POU2F2: variants seen among roughly 807,000 people sequenced by gnomAD.
POU2F2 encodes the protein POU domain, class 2, transcription factor 2.
In POU2F2, 14 loss-of-function variants were observed where a neutral mutation model predicts 63.5. The observed-to-expected ratio is 0.22, with a 90% CI of 0.15 to 0.34. The LOEUF (loss-of-function observed/expected upper bound fraction) is 0.34. Ranked by LOEUF, POU2F2 falls within the 10% of genes least tolerant of loss-of-function variation. POU2F2 has a pLI of 1.00. For synonymous variants in POU2F2, 306 were observed against 348.6 expected, an observed-to-expected ratio of 0.88 and a Z score of 1.36; for missense variants, 607 against 815.2, an observed-to-expected ratio of 0.74 and a Z score of 3.11.
At chr19:42,120,305 C>T (rs1376787565) in intron 4 of POU2F2, among the ~76,000 whole-genome samples, 1 of 151,822 alleles carries the variant, frequency 6.6e-6, no homozygotes, top group East Asian at 1.9e-4. Flanking sequence ...CAACCTCTAC[C>T]TCCTGGGCAC....
intron 2 of POU2F2, among the ~76,000 whole-genome samples, chr19:42,149,825 G>A (rs897685509): frequency 3.3e-5 from 5 of 152,084 alleles, no homozygotes; most frequent in Non-Finnish European, 7.4e-5. Context: ...GTGTGGTGTC[G>A]TCCCCATCCC....
At chr19:42,093,801 C>T (rs1466434243) in intron 12 of POU2F2, 28 bp downstream of exon 12, 4 of 1,592,786 alleles carry the variant, frequency 2.5e-6, no homozygotes, top group East Asian at 2.3e-5. Flanking sequence ...CTCCCAGTCC[C>T]CCCTCACCAT....
rs2076826432 is a variant in POU2F2 at position 42,093,884 on chromosome 19, T to A, written c.1209A>T (p.Gln403His). 5 of 1,611,364 alleles carry A rather than the reference T, an allele frequency of 3.1e-6. No individual in the cohort carries two copies. Among genetic ancestry groups the A allele is most frequent in the Middle Eastern group, 1.6e-4 (1 of 6,074 alleles). Reference protein sequence around the residue: ...ASYSPHMVTPQGGAGTLPLSQ... With the variant: ...ASYSPHMVTPHGGAGTLPLSQ... ...ACAACGGTAAGGTCCCCGCGCCCCC[T>A]TGGGGTGTGACCTGAGGAGAGAAGA... The change falls in exon 12 of 15, where the codon CAA becomes CAT. Residue 403 changes from glutamine (Q) to histidine (H), a missense_variant. This residue lies in a region of POU2F2 where 270 missense variants were observed against 307.5 expected (regional missense o/e 0.88). Transcript: ENST00000692977.
intron 2 of POU2F2, among the ~76,000 whole-genome samples, chr19:42,141,391 C>A (rs1156312873): frequency 6.6e-6 from 1 of 151,442 alleles, no homozygotes; most frequent in Non-Finnish European, 1.5e-5. Context: ...TGACCCTGGG[C>A]AGGTGACTTC....
Position 42,137,586 on chromosome 19 carries a change from TGTG to T in POU2F2, c.-8-15013_-8-15011del, listed in dbSNP as rs1339132234. Among the ~76,000 whole-genome samples, 6 of 151,818 alleles carry T rather than the reference TGTG, an allele frequency of 4.0e-5. No individual in the cohort carries two copies. In the East Asian group the frequency reaches 1.2e-3, roughly 29 times the overall value. ...AAAAAATTGTTTTAACTTAGCTGGGTGTGGTGGTGTGCGTCTGTAGTCCCAGCT... is the reference window on the plus strand; with the variant it reads ...AAAAAATTGTTTTAACTTAGCTGGGTGTGGTGTGCGTCTGTAGTCCCAGCT... On this transcript the variant is annotated intron_variant, in intron 2 of 6. Coordinates refer to the POU2F2 transcript ENST00000524801.
intron 1 of POU2F2, among the ~76,000 whole-genome samples, chr19:42,171,462 G>A (rs2034765883): frequency 1.3e-5 from 2 of 151,806 alleles, no homozygotes. Context: ...GTGTGTGTGT[G>A]TGTGTGTGCA....
At chr19:42,195,231 A>C (rs2035128033) in intron 1 of POU2F2, among the ~76,000 whole-genome samples, 1 of 151,640 alleles carries the variant, frequency 6.6e-6, no homozygotes, top group African/African-American at 2.4e-5. Flanking sequence ...GATATCCCCC[A>C]GCGTCCCTGC....
At chr19:42,121,684 A>C (rs1279713724) in intron 4 of POU2F2, among the ~76,000 whole-genome samples, 1 of 152,052 alleles carries the variant, frequency 6.6e-6, no homozygotes, top group Non-Finnish European at 1.5e-5. Context: ...CCCCATCTGG[A>C]TGTGGAATTT....
rs552854090 is a variant in POU2F2, at chr19:42,102,831, G to A, written c.370-3010C>T. ...ATGACATAATTCTCTCTACTTTTAC[G>A]TTTAAACATTTCTGAAAGAAAAAGC... On this transcript the variant is annotated intron_variant, in intron 5 of 14. Coordinates refer to ENST00000692977, the MANE Select transcript of POU2F2 (RefSeq NM_001394376.1). Among the ~76,000 whole-genome samples, 9 of 152,140 alleles carry A rather than the reference G, an allele frequency of 5.9e-5. No individual in the cohort carries two copies. The South Asian group carries it at 6.2e-4, about 11-fold the overall frequency.
Position 42,161,650 on chromosome 19 carries a change from G to C in POU2F2, c.-69-1258C>G, listed in dbSNP as rs528456659. On this transcript the variant is annotated intron_variant, in intron 1 of 6. Transcript: ENST00000524801. ...GGAATGAAGGGAGCGGGGGCAAAGA[G>C]ACCAGGGAAAAGCCCAAACAAGAAG... Among the ~76,000 whole-genome samples, 25 of 152,130 alleles carry C rather than the reference G, an allele frequency of 1.6e-4. No individual in the cohort carries two copies. In the East Asian group the frequency reaches 4.6e-3, roughly 28 times the overall value.
intron 2 of POU2F2, among the ~76,000 whole-genome samples, chr19:42,146,032 CAAAAAAAAA>C (rs1004458482): frequency 4.0e-5 from 2 of 49,770 alleles, no homozygotes; most frequent in African/African-American, 1.4e-4. Flanking sequence ...GACTCCGTCT[CAAAAAAAAA>C]AAAAAAAAAA....
chr19:42,194,717 C>A (rs1261554526), intron 1 of POU2F2, among the ~76,000 whole-genome samples: 1 of 125,942 alleles, frequency 7.9e-6, no homozygotes, highest in Non-Finnish European at 1.6e-5. Context: ...CGAAATCACG[C>A]CACTGAAGTC....
intron 5 of POU2F2, among the ~76,000 whole-genome samples, chr19:42,105,082 T>C (rs1333256143): frequency 6.6e-6 from 1 of 152,186 alleles, no homozygotes; most frequent in African/African-American, 2.4e-5. Flanking sequence ...TCCCTCCAGA[T>C]GTGGATCAAC....
chr19:42,179,480 T>C (rs2034935678), upstream of POU2F2, among the ~76,000 whole-genome samples: 1 of 147,692 alleles, frequency 6.8e-6, no homozygotes, highest in South Asian at 2.2e-4. Flanking sequence ...TTGCAAGTGG[T>C]ACCCAGACCT....
intron 2 of POU2F2, among the ~76,000 whole-genome samples, chr19:42,141,922 A>C (rs2034136061): frequency 1.3e-5 from 2 of 152,232 alleles, no homozygotes. Flanking sequence ...AGTAAATTAT[A>C]ATACATTCAT....
At chr19:42,146,550 C>T (rs191577091) in intron 2 of POU2F2, among the ~76,000 whole-genome samples, 2 of 152,344 alleles carry the variant, frequency 1.3e-5, no homozygotes, top group East Asian at 1.9e-4. Context: ...ATTCTCCGAG[C>T]TCATACAGAA....
At chr19:42,116,882 C>A (rs751482402) in intron 5 of POU2F2, 2 of 460,060 alleles carry the variant, frequency 4.3e-6, no homozygotes, top group Non-Finnish European at 8.5e-6. Flanking sequence ...GCGGAGGCGG[C>A]GGCGGCGGCG....
intron 2 of POU2F2, among the ~76,000 whole-genome samples, chr19:42,146,246 T>C (rs1450126827): frequency 6.6e-6 from 1 of 152,124 alleles, no homozygotes; most frequent in South Asian, 2.1e-4. Flanking sequence ...GGAACCAGGA[T>C]TGGCACCCAG....
In POU2F2 at chr19:42,099,829, G is replaced by A. The variant is rs781432974; in HGVS notation, c.370-8C>T. 6.4e-7 allele frequency: 1 copy of A among 1,553,032 alleles called. No individual in the cohort carries two copies. The highest frequency in any genetic ancestry group is 2.4e-5 in the East Asian group (1 of 41,336). ...GAGGAGCTGCTGTATGTCCTGGCAG[G>A]GAGTGGGGTGGACAGAAAGATAGCC... is the stretch of plus-strand genomic sequence containing the variant. On this transcript the variant is annotated splice_polypyrimidine_tract_variant and splice_region_variant and intron_variant, in intron 5 of 14. Transcript: ENST00000692977.
Sources: allele counts gnomAD v4.1 joint callset (sites outside exome capture counted in the v4.1 genomes callset), GRCh38; gene constraint gnomAD v4.1.1; regional missense constraint gnomAD v4.1.1; transcripts MANE v1.5; gene names NCBI Gene and HGNC (gene_info 2026-07-23, HGNC 2026-07-21).